Variants in RTTN observed in about 807,000 individuals in gnomAD.
The protein encoded by RTTN is rotatin.
Under a neutral mutation model 269.2 loss-of-function variants are expected in RTTN, and 182 were observed. That is an observed-to-expected ratio of 0.68 (90% CI 0.60 to 0.76). The LOEUF is 0.76. Ranked by LOEUF, RTTN falls within the 30% of genes least tolerant of loss-of-function variation. The pLI is 0.00. For synonymous variants in RTTN, 1,006 were observed against 963.5 expected, an observed-to-expected ratio of 1.04 and a Z score of -0.82; for missense variants, 2,545 against 2,608.6, an observed-to-expected ratio of 0.98 and a Z score of 0.53.
chr18:70,070,170 G>A (rs184906978), intron 34 of RTTN, among the ~76,000 whole-genome samples: 5 of 152,364 alleles, frequency 3.3e-5, no homozygotes, highest in Admixed American at 3.3e-4. Flanking sequence ...TAAAGAGACA[G>A]ATCATCACCA....
intron 46 of RTTN, among the ~76,000 whole-genome samples, chr18:70,014,424 A>G (rs1348284026): frequency 6.6e-6 from 1 of 152,154 alleles, no homozygotes; most frequent in East Asian, 1.9e-4. Context: ...TTCTTACTAC[A>G]TGTTGCCATG....
At chr18:70,183,058 T>C (rs185816822) in intron 10 of RTTN, among the ~76,000 whole-genome samples, 119 of 152,240 alleles carry the variant, frequency 7.8e-4, no homozygotes, top group Admixed American at 2.1e-3. Context: ...CATGAAATAA[T>C]AACAAGGACA....
intron 28 of RTTN, among the ~76,000 whole-genome samples, chr18:70,107,526 T>C (rs773698830): frequency 6.6e-5 from 10 of 152,180 alleles, no homozygotes; most frequent in Non-Finnish European, 2.9e-5. Flanking sequence ...TTGACCTAAA[T>C]TGATGATAAA....
At chr18:70,080,741 A>G (rs1325565020) in intron 32 of RTTN, among the ~76,000 whole-genome samples, 5 of 152,202 alleles carry the variant, frequency 3.3e-5, no homozygotes, top group Non-Finnish European at 5.9e-5. Flanking sequence ...TTAAAGAACT[A>G]AAAGTAGAAC....
Position 70,114,550 on chromosome 18 carries a change from C to A in RTTN, c.3578G>T (p.Arg1193Leu). The A allele has an allele frequency of 6.2e-7, 1 of 1,613,610 alleles. No individual in the cohort carries two copies. The highest frequency in any genetic ancestry group is 8.5e-7 in the Non-Finnish European group (1 of 1,179,618). Reference sequence around the variant, plus strand: ...AGTCCGGATATCATCTGTTTCTTCTCGTGCCTGTGACTCTGTCAGAACCAA... The same window carrying A: ...AGTCCGGATATCATCTGTTTCTTCTAGTGCCTGTGACTCTGTCAGAACCAA... Reference protein sequence around the residue: ...DLLVLTESQAREETDDIRTAV... With the variant: ...DLLVLTESQALEETDDIRTAV... Residue 1193 changes from arginine (R) to leucine (L), a missense_variant, in exon 27 of 49, where the codon CGA becomes CTA. By Grantham distance (102) the Arg-to-Leu change is moderately radical. Transcript: ENST00000640769.
At position 70,198,855 on chromosome 18, in the gene RTTN, ACTC is replaced by A. The variant is rs779597427; in HGVS notation, c.578+556_578+558del. Among the ~76,000 whole-genome samples the A allele has an allele frequency of 1.7e-4, 26 of 152,158 alleles. 1 individual carries two copies. Among genetic ancestry groups the A allele is most frequent in the East Asian group, 1.5e-3 (8 of 5,182 alleles). ...AAGAGAATCTGGCCAATAAGAGAAAACTCCTGTCACCAAGGACTACACAAGAGT... is the reference window on the plus strand; with the variant it reads ...AAGAGAATCTGGCCAATAAGAGAAAACTGTCACCAAGGACTACACAAGAGT... On this transcript the variant is annotated intron_variant, in intron 5 of 48. Coordinates refer to ENST00000640769, the MANE Select transcript of RTTN (RefSeq NM_173630.4).
At position 70,188,203 on chromosome 18, in the gene RTTN, T is replaced by C. The variant is rs202209042; in HGVS notation, c.1210A>G (p.Arg404Gly). ...LRTGSRQVII[R>G]VLELLTEDMT... The stretch of plus-strand genomic sequence containing the variant: ...TCCTCTGTAAGCAATTCCAGAACTC[T>C]TATTATCACTTGTCTGCTACCTAGG... The change falls in exon 10 of 49, where the codon AGA becomes GGA. Residue 404 changes from arginine to glycine, a missense_variant. Arg to Gly is a moderately radical substitution (Grantham distance 125, BLOSUM62 -2). Coordinates refer to ENST00000640769, the MANE Select transcript of RTTN (RefSeq NM_173630.4). The C allele has an allele frequency of 3.7e-6, 6 of 1,600,600 alleles. No individual in the cohort carries two copies. In the African/African-American group the frequency reaches 6.7e-5, roughly 18 times the overall value.
At chr18:70,105,728 A>G (rs1156325951) in intron 28 of RTTN, among the ~76,000 whole-genome samples, 3 of 152,186 alleles carry the variant, frequency 2.0e-5, no homozygotes, top group Admixed American at 2.0e-4. Context: ...TTTAAAAACA[A>G]TATGTGCTTT....
chr18:70,020,603 T>C lies in RTTN; in HGVS notation c.6153+12A>G. ...TACCCTTTTAAGATATGTGGGGAGT[T>C]TAAGTGCGTACCTTCTGAATTACTC... On this transcript the variant is annotated intron_variant, in intron 45 of 48. Coordinates refer to ENST00000640769, the MANE Select transcript of RTTN (RefSeq NM_173630.4). The C allele has an allele frequency of 1.2e-6, 2 of 1,605,750 alleles. No homozygotes were observed. Among genetic ancestry groups the C allele is most frequent in the Non-Finnish European group, 1.7e-6 (2 of 1,173,568 alleles).
At chr18:70,127,418 ACT>A in intron 25 of RTTN, 82 bp downstream of exon 25, 1 of 1,478,412 alleles carries the variant, frequency 6.8e-7, no homozygotes, top group Non-Finnish European at 9.2e-7. Context: ...AAGGGCATAG[ACT>A]CTTATCTTCA....
chr18:70,039,555 G>C (rs1031750138), intron 40 of RTTN, among the ~76,000 whole-genome samples: 1 of 152,170 alleles, frequency 6.6e-6, no homozygotes, highest in Non-Finnish European at 1.5e-5. Flanking sequence ...ACAAGAAATA[G>C]TAAAGTGAGT....
chr18:70,004,260 A>G lies in RTTN; in HGVS notation c.6596-24T>C, dbSNP rs776954642. Reference sequence around the variant, plus strand: ...AGCTGAGATAGAAAAATAAGAGTACAGAAATACTAGTTTATGAAACTTGGT... The same window carrying G: ...AGCTGAGATAGAAAAATAAGAGTACGGAAATACTAGTTTATGAAACTTGGT... On this transcript the variant is annotated intron_variant, in intron 48 of 48. Transcript: ENST00000640769. 3.9e-6 allele frequency: 6 copies of G among 1,534,272 alleles called. No homozygotes were observed. The South Asian group carries it at 6.7e-5, about 17-fold the overall frequency.
At chr18:70,119,452 TG>T (rs1408784615) in intron 26 of RTTN, among the ~76,000 whole-genome samples, 9 of 139,882 alleles carry the variant, frequency 6.4e-5, no homozygotes, top group Admixed American at 1.4e-4. Flanking sequence ...AAGAGGAAAA[TG>T]GAAGGAAAAA....
At chr18:70,029,493 G>A (rs753935574) in intron 42 of RTTN, among the ~76,000 whole-genome samples, 1 of 152,142 alleles carries the variant, frequency 6.6e-6, no homozygotes. Context: ...AGGCACAGGA[G>A]GAGATAAACA....
chr18:70,123,840 T>G (rs1302398671), intron 25 of RTTN, among the ~76,000 whole-genome samples: 1 of 152,100 alleles, frequency 6.6e-6, no homozygotes, highest in African/African-American at 2.4e-5. Flanking sequence ...CACTGCTATA[T>G]TTCCTACAAG....
chr18:70,009,323 A>T (rs935340344), intron 46 of RTTN, among the ~76,000 whole-genome samples: 16 of 152,050 alleles, frequency 1.1e-4, no homozygotes, highest in African/African-American at 3.9e-4. Context: ...TTTTTATTAG[A>T]GACGGGGTTT....
At chr18:70,090,034 C>T in intron 30 of RTTN, among the ~76,000 whole-genome samples, 1 of 152,274 alleles carries the variant, frequency 6.6e-6, no homozygotes, top group South Asian at 2.1e-4. Flanking sequence ...AGAAAAAGAT[C>T]ACGGGTGCAA....
At chr18:70,184,712 T>TGTG (rs1282660729) in intron 10 of RTTN, among the ~76,000 whole-genome samples, 5 of 55,218 alleles carry the variant, frequency 9.1e-5, no homozygotes, top group African/African-American at 3.1e-4. Flanking sequence ...GGTTTTTTTT[T>TGTG]TTTTTGTGTG....
chr18:70,092,759 A>G lies in RTTN; in HGVS notation c.3949T>C (p.Phe1317Leu), dbSNP rs2058885526. 1 of 1,612,926 alleles carries G rather than the reference A, an allele frequency of 6.2e-7. No homozygotes were observed. Among genetic ancestry groups the G allele is most frequent in the Non-Finnish European group, 8.5e-7 (1 of 1,179,158 alleles). ...YVERGGNAMS[F>L]MGKGVTKSTI... is the part of the protein sequence containing the mutation. The stretch of plus-strand genomic sequence containing the variant: ...CTCTTTGTAACACCTTTTCCCATGA[A>G]GGACATAGCATTTCCTCCACGCTCC... The change falls in exon 29 of 49, where the codon TTC (phenylalanine) becomes CTC (leucine). Residue 1317 changes from phenylalanine (F) to leucine (L), a missense_variant. Coordinates refer to ENST00000640769, the MANE Select transcript of RTTN (RefSeq NM_173630.4).
Sources: allele counts gnomAD v4.1 joint callset (sites outside exome capture counted in the v4.1 genomes callset), GRCh38; gene constraint gnomAD v4.1.1; transcripts MANE v1.5; gene names NCBI Gene and HGNC (gene_info 2026-07-23, HGNC 2026-07-21).